RSAD1: variants seen among roughly 807,000 people sequenced by gnomAD.
RSAD1 encodes radical S-adenosyl methionine domain containing 1.
A neutral mutation model predicts 46.2 loss-of-function variants in RSAD1; 34 were observed. The observed-to-expected ratio is 0.74, with a 90% CI of 0.56 to 0.98. The LOEUF (loss-of-function observed/expected upper bound fraction) is 0.98, where lower values mean the gene tolerates loss of function less well. RSAD1 is among the 50% of genes least tolerant of loss of function. The probability of loss-of-function intolerance (pLI) is 0.00; values close to 1 mark genes in which losing one functional copy is unlikely to be tolerated. For missense variants in RSAD1, 635 were observed against 592.3 expected (o/e 1.07, Z -0.75); for synonymous variants, 260 against 253.5 (o/e 1.03, Z -0.24).
In RSAD1 at chr17:50,485,821, T is replaced by C. The variant is rs1450436026; in HGVS notation, c.*960T>C. 2.6e-5 allele frequency: 4 copies of C among 152,314 alleles called. No homozygotes were observed. The highest frequency in any genetic ancestry group is 7.2e-5 in the African/African-American group (3 of 41,470). 9.4% of individuals were successfully genotyped at this position (152,314 alleles called of 1,614,324 possible). A position where few individuals can be genotyped will look rare whatever the true frequency, so the allele number is the denominator to read the frequency against. On this transcript the variant is annotated 3_prime_UTR_variant, in exon 9 of 9. Transcript: ENST00000258955. ...CACTCACTTCCTTCCCCCTGTGCCT[T>C]TCCTTTGAGAGTGAAGGTGGGTGGA...
In RSAD1 at chr17:50,479,752, G is replaced by A. The variant is rs750134206; in HGVS notation, c.259G>A (p.Gly87Arg). ...AGCTCAGACGCTGCTGCGGCTCAGC[G>A]GGGTGCAACGGTGGGTAGTGGGGGC... ...TEAQTLLRLSGVQRVESVFFG... is the reference protein window; with the variant it reads ...TEAQTLLRLSRVQRVESVFFG... Residue 87 changes from glycine to arginine, a missense_variant, in exon 2 of 9, where the codon GGG (glycine) becomes AGG (arginine). By Grantham distance (125) the Gly-to-Arg change is moderately radical. Coordinates refer to ENST00000258955, the MANE Select transcript of RSAD1 (RefSeq NM_018346.3). The A allele has an allele frequency of 1.2e-6, 2 of 1,609,052 alleles. No individual in the cohort carries two copies. Among genetic ancestry groups the A allele is most frequent in the Admixed American group, 1.7e-5 (1 of 59,588 alleles).
At position 50,484,908 on chromosome 17, in the gene RSAD1, G is replaced by T. The variant is rs764466810; in HGVS notation, c.*47G>T. ...GGGTAATGCCAGGTGGGTTTTGAGAGCTGGGTCGGTACTGCAGACATCTCT... is the reference window on the plus strand; with the variant it reads ...GGGTAATGCCAGGTGGGTTTTGAGATCTGGGTCGGTACTGCAGACATCTCT... On this transcript the variant is annotated 3_prime_UTR_variant, in exon 9 of 9. Transcript: ENST00000258955. 6.7e-7 allele frequency: 1 copy of T among 1,489,696 alleles called. No homozygotes were observed. Among genetic ancestry groups the T allele is most frequent in the Non-Finnish European group, 9.4e-7 (1 of 1,067,834 alleles). 92.3% of individuals were successfully genotyped at this position (1,489,696 alleles called of 1,614,324 possible).
At chr17:50,483,862 G>C in intron 7 of RSAD1, 102 bp downstream of exon 7, 1 of 1,163,828 alleles carries the variant, frequency 8.6e-7, no homozygotes, top group Non-Finnish European at 1.2e-6. Flanking sequence ...TCCAATTTCT[G>C]TGAGATTGGC....
chr17:50,482,769 G>A lies in RSAD1; in HGVS notation c.904+63G>A, dbSNP rs954320245. The A allele has an allele frequency of 7.3e-6, 11 of 1,504,632 alleles. No homozygotes were observed. In the Admixed American group the frequency reaches 2.0e-4, roughly 27 times the overall value. The allele number at this position is 1,504,632 out of a possible 1,614,324, so 93.2% of individuals were successfully genotyped here. A position where few individuals can be genotyped will look rare whatever the true frequency, so the allele number is the denominator to read the frequency against. Reference sequence around the variant, plus strand: ...AGGAATGTCGTGGCTGTGTGAACTTGGGCCACATTAACCTCTCCAAGCCTC... The same window carrying A: ...AGGAATGTCGTGGCTGTGTGAACTTAGGCCACATTAACCTCTCCAAGCCTC... On this transcript the variant is annotated intron_variant, in intron 5 of 8. Transcript: ENST00000258955.
Position 50,485,813 on chromosome 17 carries a change from CT to C in RSAD1, c.*953del, listed in dbSNP as rs1192326925. ...AGCCCCCTCACTCACTTCCTTCCCC[CT>C]GTGCCTTTCCTTTGAGAGTGAAGGT... On this transcript the variant is annotated 3_prime_UTR_variant, in exon 9 of 9. Transcript: ENST00000258955. 1 of 152,342 alleles carries C rather than the reference CT, an allele frequency of 6.6e-6. No individual in the cohort carries two copies. The highest frequency in any genetic ancestry group is 1.9e-4 in the East Asian group (1 of 5,208). 9.4% of individuals were successfully genotyped at this position (152,342 alleles called of 1,614,324 possible).
rs149137290 is a variant in RSAD1, at chr17:50,479,702, C to T, written c.209C>T (p.Ala70Val). 4 of 1,613,704 alleles carry T rather than the reference C, an allele frequency of 2.5e-6. No homozygotes were observed. The highest frequency in any genetic ancestry group is 1.3e-5 in the African/African-American group (1 of 74,928). Residue 70 changes from alanine (A) to valine (V), a missense_variant, in exon 2 of 9, where the codon GCC becomes GTC. Transcript: ENST00000258955. ...ATCCCTCGCCGCCTGGAGGAGGCTG[C>T]CATGCAGAAGTGTCTGGTGACCGAA... ...KYIPRRLEEA[A>V]MQKCLVTEAQ...
chr17:50,479,643 G>C lies in RSAD1; in HGVS notation c.150G>C (p.Glu50Asp), dbSNP rs753336121. The C allele has an allele frequency of 4.3e-6, 7 of 1,613,700 alleles. No homozygotes were observed. The South Asian group carries it at 7.7e-5, about 18-fold the overall frequency. Reference sequence around the variant, plus strand: ...ACTGCCCCCAGTGGCCTTACTGCGAGAAGCGCTGCAGTTACTGCAACTTCA... The same window carrying C: ...ACTGCCCCCAGTGGCCTTACTGCGACAAGCGCTGCAGTTACTGCAACTTCA... ...AALYVHWPYC[E>D]KRCSYCNFNK... Residue 50 changes from glutamate to aspartate, a missense_variant, in exon 2 of 9, where the codon GAG (glutamate) becomes GAC (aspartate). Physicochemically the swap from Glu to Asp is conservative, Grantham distance 45. Transcript: ENST00000258955.
intron 7 of RSAD1, 78 bp from the exon 8 acceptor site, chr17:50,484,364 C>G (rs1435739011): frequency 3.9e-6 from 5 of 1,287,392 alleles, no homozygotes; most frequent in Non-Finnish European, 5.5e-6. Context: ...GACCCTCCCC[C>G]ACCTCTCACC....
intron 4 of RSAD1, 30 bp downstream of exon 4, chr17:50,482,486 G>A (rs1446899239): frequency 1.2e-6 from 2 of 1,601,130 alleles, no homozygotes; most frequent in Admixed American, 3.4e-5. Context: ...GCTGGAGGTG[G>A]AGGATGGGCA....
chr17:50,480,361 AC>A, intron 3 of RSAD1: 3 of 469,758 alleles, frequency 6.4e-6, no homozygotes, highest in Middle Eastern at 1.2e-3. Context: ...TTGCTACATG[AC>A]ACGGGAGACG....
chr17:50,483,133 G>T (rs1359486396), intron 5 of RSAD1, among the ~76,000 whole-genome samples: 2 of 118,576 alleles, frequency 1.7e-5, no homozygotes, highest in Non-Finnish European at 3.2e-5. Flanking sequence ...GACCCCAGGC[G>T]TCCAAGACCA....
In RSAD1 at chr17:50,483,390, G is replaced by C; in HGVS notation, c.955G>C (p.Ala319Pro). Residue 319 changes from alanine to proline, a missense_variant, in exon 6 of 9, where the codon GCT becomes CCT. Transcript: ENST00000258955. Reference sequence around the variant, plus strand: ...GGGGGCTGGAGGCCACACCCGGGAGGCTCGGATCCAGACACTGGAGCCTGA... The same window carrying C: ...GGGGGCTGGAGGCCACACCCGGGAGCCTCGGATCCAGACACTGGAGCCTGA... Reference protein sequence around the residue: ...PQGAGGHTREARIQTLEPDNW... With the variant: ...PQGAGGHTREPRIQTLEPDNW... 1.2e-6 allele frequency: 2 copies of C among 1,613,930 alleles called. No homozygotes were observed. Among genetic ancestry groups the C allele is most frequent in the Non-Finnish European group, 1.7e-6 (2 of 1,179,966 alleles).
chr17:50,484,837 C>A lies in RSAD1; in HGVS notation c.1305C>A (p.Thr435=). The A allele has an allele frequency of 6.2e-7, 1 of 1,613,966 alleles. No homozygotes were observed. Among genetic ancestry groups the A allele is most frequent in the South Asian group, 1.1e-5 (1 of 91,032 alleles). The change falls in exon 9 of 9, where the codon ACC becomes ACA. Residue 435 remains threonine, a synonymous_variant. Transcript: ENST00000258955. ...PQLQEAWQQR[T]PSPVPGG is the part of the protein sequence containing the mutation. ...TCCAAGAAGCCTGGCAGCAGAGAAC[C>A]CCCTCCCCTGTGCCAGGAGGATGAC...
intron 5 of RSAD1, 88 bp downstream of exon 5, chr17:50,482,794 CTA>C: frequency 7.9e-7 from 1 of 1,258,408 alleles, no homozygotes; most frequent in Non-Finnish European, 1.1e-6. Context: ...CTCCAAGCCT[CTA>C]TTTTCTCATA....
Position 50,484,966 on chromosome 17 carries a change from T to C in RSAD1, c.*105T>C. On this transcript the variant is annotated 3_prime_UTR_variant, in exon 9 of 9. Coordinates refer to ENST00000258955, the MANE Select transcript of RSAD1 (RefSeq NM_018346.3). ...TGTCGGGTGCCGTCTCTGCTCCTTG[T>C]GGTTATTGCTCAGCCCTGGCATCCC... 8 of 882,468 alleles carry C rather than the reference T, an allele frequency of 9.1e-6. No homozygotes were observed. The highest frequency in any genetic ancestry group is 1.5e-5 in the Non-Finnish European group (8 of 546,500). The allele number at this position is 882,468 out of a possible 1,614,324, so 54.7% of individuals were successfully genotyped here. A position where few individuals can be genotyped will look rare whatever the true frequency, so the allele number is the denominator to read the frequency against.
rs781259687 is a variant in RSAD1, at chr17:50,479,768, T to C, written c.269+6T>C. The C allele has an allele frequency of 6.2e-7, 1 of 1,604,354 alleles. No homozygotes were observed. Among genetic ancestry groups the C allele is most frequent in the Non-Finnish European group, 8.5e-7 (1 of 1,174,710 alleles). On this transcript the variant is annotated splice_donor_region_variant and intron_variant, in intron 2 of 8. Transcript: ENST00000258955. The stretch of plus-strand genomic sequence containing the variant: ...CGGCTCAGCGGGGTGCAACGGTGGG[T>C]AGTGGGGGCTGTAGGCAGCGTTTTG...
Position 50,485,685 on chromosome 17 carries a change from C to T in RSAD1, c.*824C>T. On this transcript the variant is annotated 3_prime_UTR_variant, in exon 9 of 9. Coordinates refer to ENST00000258955, the MANE Select transcript of RSAD1 (RefSeq NM_018346.3). ...CCATGTATGTGTCCAGCACAGCGGC[C>T]TGCTGGACTCTGAGAACTGGGAAAG... 1 of 152,372 alleles carries T rather than the reference C, an allele frequency of 6.6e-6. No homozygotes were observed. The highest frequency in any genetic ancestry group is 1.5e-5 in the Non-Finnish European group (1 of 68,072). The allele number at this position is 152,372 out of a possible 1,614,324, so 9.4% of individuals were successfully genotyped here. A position where few individuals can be genotyped will look rare whatever the true frequency, so the allele number is the denominator to read the frequency against.
In RSAD1 at chr17:50,478,948, C is replaced by T. The variant is rs758844128; in HGVS notation, c.64C>T (p.Arg22Cys). 2.9e-6 allele frequency: 4 copies of T among 1,389,474 alleles called. No individual in the cohort carries two copies. The highest frequency in any genetic ancestry group is 3.7e-6 in the Non-Finnish European group (4 of 1,077,602). The allele number at this position is 1,389,474 out of a possible 1,614,324, so 86.1% of individuals were successfully genotyped here. ...AAAARAAQRR[R>C]RVENAGGSPS... ...AGCAGCCAGAGCGGCCCAGAGGCGC[C>T]GCCGCGTGGAGAACGCAGGAGGGTC... The change falls in exon 1 of 9, where the codon CGC (arginine) becomes TGC (cysteine). Residue 22 changes from arginine to cysteine, a missense_variant. Physicochemically the swap from Arg to Cys is radical, Grantham distance 180. Coordinates refer to ENST00000258955, the MANE Select transcript of RSAD1 (RefSeq NM_018346.3).
intron 1 of RSAD1, 124 bp from the exon 2 acceptor site, chr17:50,479,505 G>C (rs1324919004): frequency 2.4e-6 from 3 of 1,225,644 alleles, no homozygotes; most frequent in Non-Finnish European, 3.4e-6. Flanking sequence ...GTGTGGCTTA[G>C]ATGTCCTAGC....
Sources: gnomAD v4.1 joint callset for allele counts (sites outside exome capture counted in the v4.1 genomes callset) on GRCh38, gnomAD v4.1.1 for gene constraint, MANE v1.5 for transcripts, NCBI Gene and HGNC (gene_info 2026-07-23, HGNC 2026-07-21) for gene names.